The following TIAM1 variants were observed in gnomAD, a reference collection of about 807,000 sequenced individuals.
TIAM1 encodes the protein TIAM Rac1 associated GEF 1.
A neutral mutation model predicts 163.5 loss-of-function variants in TIAM1; 65 were observed. That is an observed-to-expected ratio of 0.40 (90% confidence interval 0.33 to 0.49). The LOEUF is 0.49. TIAM1 is among the 20% of genes least tolerant of loss of function. TIAM1 has a pLI of 0.77. For synonymous variants in TIAM1, 833 were observed against 810.1 expected (o/e 1.03, Z -0.48); for missense variants, 1,789 against 2,044.7 (o/e 0.87, Z 2.41).
chr21:31,501,659 G>A (rs1262816574), intron 1 of TIAM1, among the ~76,000 whole-genome samples: 2 of 152,130 alleles, frequency 1.3e-5, no homozygotes, highest in Non-Finnish European at 2.9e-5. Context: ...CTGGAGTGCA[G>A]TGGCGCGATC....
rs143833823 is a variant in TIAM1 at position 31,488,159 on chromosome 21, C to T, written c.-421-24124G>A. Reference sequence around the variant, plus strand: ...GAGGGAGGGCATGTGAAAGAGTAGTCGCTGAGAAGGCAGGAGACTGTCAGG... The same window carrying T: ...GAGGGAGGGCATGTGAAAGAGTAGTTGCTGAGAAGGCAGGAGACTGTCAGG... On this transcript the variant is annotated intron_variant, in intron 1 of 28. Coordinates refer to the TIAM1 transcript ENST00000286827. 2.8e-3 allele frequency among the ~76,000 whole-genome samples: 421 copies of T among 152,340 alleles called. 6 individuals carry two copies. The highest frequency in any genetic ancestry group is 8.7e-3 in the African/African-American group (360 of 41,580).
At chr21:31,473,640 C>G (rs1160896316) in intron 1 of TIAM1, among the ~76,000 whole-genome samples, 1 of 151,732 alleles carries the variant, frequency 6.6e-6, no homozygotes, top group East Asian at 1.9e-4. Flanking sequence ...AAACCTTTAG[C>G]AGGGGCACAC....
At chr21:31,349,717 G>A (rs2076204025) in intron 2 of TIAM1, among the ~76,000 whole-genome samples, 1 of 152,188 alleles carries the variant, frequency 6.6e-6, no homozygotes, top group Admixed American at 6.5e-5. Context: ...GGGTCAGGGA[G>A]TATCCCATCG....
Position 31,395,728 on chromosome 21 carries a change from C to T in TIAM1, c.-368-56306G>A, listed in dbSNP as rs1002696515. On this transcript the variant is annotated intron_variant, in intron 2 of 28. Coordinates refer to the TIAM1 transcript ENST00000286827. The surrounding 1 kb of genome is among the most constrained non-coding windows in gnomAD (Gnocchi z 7.5). ...GGCGCATGCGTTCCCCTGGCTGTCG[C>T]GTGAAAATTTTTGCTTTATAAATTG... 4.6e-5 allele frequency among the ~76,000 whole-genome samples: 7 copies of T among 152,054 alleles called. No individual in the cohort carries two copies. The highest frequency in any genetic ancestry group is 2.1e-4 in the South Asian group (1 of 4,818).
chr21:31,452,883 T>C, intron 2 of TIAM1: 1 of 516,856 alleles, frequency 1.9e-6, no homozygotes, highest in South Asian at 1.4e-5. Flanking sequence ...GCAGTCTTTT[T>C]GGTATGACGA....
chr21:31,221,892 A>G (rs538594025), intron 8 of TIAM1, among the ~76,000 whole-genome samples: 26 of 152,220 alleles, frequency 1.7e-4, no homozygotes, highest in Non-Finnish European at 3.2e-4. Context: ...TCTCCAAGAA[A>G]TAGATCTGGA....
chr21:31,428,967 T>C lies in TIAM1; in HGVS notation c.-369+35016A>G, dbSNP rs549380765. Reference sequence around the variant, plus strand: ...TAAGATAACATGCTTCATATCCTACTCTGGTGGCAGAATTGATACAACCTA... The same window carrying C: ...TAAGATAACATGCTTCATATCCTACCCTGGTGGCAGAATTGATACAACCTA... On this transcript the variant is annotated intron_variant, in intron 2 of 28. Transcript: ENST00000286827. Among the ~76,000 whole-genome samples the C allele has an allele frequency of 9.9e-5, 15 of 152,140 alleles. No individual in the cohort carries two copies. In the South Asian group the frequency reaches 1.7e-3, roughly 17 times the overall value.
At chr21:31,495,614 A>C (rs1602417485) in intron 1 of TIAM1, among the ~76,000 whole-genome samples, 1 of 152,328 alleles carries the variant, frequency 6.6e-6, no homozygotes, top group East Asian at 1.9e-4. Flanking sequence ...CAATACATTC[A>C]TGCACTGCAC....
intron 20 of TIAM1, 143 bp downstream of exon 20, chr21:31,146,752 C>T (rs1319180767): frequency 2.0e-5 from 13 of 638,190 alleles, no homozygotes; most frequent in Non-Finnish European, 1.7e-5. Context: ...CATTACATTG[C>T]TCAGCACCCA....
intron 2 of TIAM1, among the ~76,000 whole-genome samples, chr21:31,327,791 G>A (rs1305295374): frequency 1.3e-5 from 2 of 151,830 alleles, no homozygotes; most frequent in East Asian, 1.9e-4. Context: ...AAGTCTAATC[G>A]ATGCCCAAAC....
chr21:31,528,736 C>T (rs138524076), intron 1 of TIAM1, among the ~76,000 whole-genome samples: 1,779 of 147,554 alleles, frequency 0.012, 21 homozygotes, highest in South Asian at 0.044. Flanking sequence ...ACCCGGGAGG[C>T]GGAGGTTGCA....
At chr21:31,186,040 C>CA (rs1197610375) in intron 14 of TIAM1, among the ~76,000 whole-genome samples, 1 of 152,216 alleles carries the variant, frequency 6.6e-6, no homozygotes, top group Non-Finnish European at 1.5e-5. Context: ...CAGTGTGTAA[C>CA]AGTTTATTAC....
chr21:31,262,511 G>A (rs1241039435), intron 4 of TIAM1, among the ~76,000 whole-genome samples: 1 of 152,146 alleles, frequency 6.6e-6, no homozygotes, highest in African/African-American at 2.4e-5. Flanking sequence ...TCTGCACAGC[G>A]CACATGTGGA....
chr21:31,407,960 T>C (rs1416551576), intron 2 of TIAM1, among the ~76,000 whole-genome samples: 1 of 152,132 alleles, frequency 6.6e-6, no homozygotes, highest in African/African-American at 2.4e-5. Context: ...TTTAAGGATA[T>C]TTAAGGAATC....
At chr21:31,410,813 C>T (rs1056808668) in intron 2 of TIAM1, among the ~76,000 whole-genome samples, 1 of 151,996 alleles carries the variant, frequency 6.6e-6, no homozygotes, top group African/African-American at 2.4e-5. Flanking sequence ...ATCCAGTCAA[C>T]GTGAGTCCTC....
At chr21:31,258,848 C>G (rs186815651) in intron 4 of TIAM1, among the ~76,000 whole-genome samples, 348 of 151,264 alleles carry the variant, frequency 2.3e-3, no homozygotes, top group African/African-American at 8.0e-3. Flanking sequence ...ATATATTGAA[C>G]TATCTTATGG....
intron 2 of TIAM1, among the ~76,000 whole-genome samples, chr21:31,385,623 C>A (rs979066602): frequency 6.6e-6 from 1 of 151,008 alleles, no homozygotes. Flanking sequence ...CAGGTAAGGT[C>A]CCAAAACTAC....
intron 2 of TIAM1, among the ~76,000 whole-genome samples, chr21:31,306,897 T>A (rs557565100): frequency 7.9e-5 from 12 of 152,332 alleles, no homozygotes; most frequent in Non-Finnish European, 1.5e-4. Context: ...CTCTGACCCC[T>A]GTATGGTGGC....
Position 31,141,048 on chromosome 21 carries a change from A to C in TIAM1, c.3774+70T>G. The C allele has an allele frequency of 8.2e-7, 1 of 1,217,848 alleles. No homozygotes were observed. The highest frequency in any genetic ancestry group is 1.2e-6 in the Non-Finnish European group (1 of 867,354). The allele number at this position is 1,217,848 out of a possible 1,614,324, so 75.4% of individuals were successfully genotyped here. On this transcript the variant is annotated intron_variant, in intron 22 of 27. Coordinates refer to ENST00000541036, the MANE Select transcript of TIAM1 (RefSeq NM_001353694.2). The surrounding 1 kb of genome is among the most constrained non-coding windows in gnomAD (Gnocchi z 4.7). ...ACAAGTAACACCTTTTTAAAAAATA[A>C]ATAAATAAATAAAAGCAAACTCAAA...
Sources: allele counts gnomAD v4.1 joint callset (sites outside exome capture counted in the v4.1 genomes callset), GRCh38; gene constraint gnomAD v4.1.1; non-coding constraint Gnocchi (gnomAD v3.1); transcripts MANE v1.5; gene names NCBI Gene and HGNC (gene_info 2026-07-23, HGNC 2026-07-21).